The following DTD1 variants were observed in gnomAD, a reference collection of about 807,000 sequenced individuals.
DTD1 encodes the protein D-aminoacyl-tRNA deacylase 1.
Under a neutral mutation model 25.6 loss-of-function variants are expected in DTD1, and 13 were observed. The observed-to-expected ratio is 0.51, with a 90% CI of 0.33 to 0.81. DTD1 has a LOEUF of 0.81. Among genes scored for constraint, DTD1 ranks in the 30% least tolerant of loss-of-function variants. DTD1 has a pLI of 0.02. For synonymous variants in DTD1, 110 were observed against 103.6 expected, an observed-to-expected ratio of 1.06 and a Z score of -0.37; for missense variants, 193 against 266.4, an observed-to-expected ratio of 0.72 and a Z score of 1.92.
chr20:18,692,877 A>C lies in DTD1; in HGVS notation c.478-51223A>C, dbSNP rs79049815. On this transcript the variant is annotated intron_variant, in intron 4 of 5. Transcript: ENST00000377452. ...TGTACATCATTTGGACATTTTCTAG[A>C]AACAGGACATGGATTTTTTTTTTTT... 8.4e-3 allele frequency among the ~76,000 whole-genome samples: 1,267 copies of C among 150,724 alleles called. 18 individuals are homozygous for C. The highest frequency in any genetic ancestry group is 0.029 in the African/African-American group (1,213 of 41,136).
intron 4 of DTD1, among the ~76,000 whole-genome samples, chr20:18,680,626 C>T (rs2060993336): frequency 6.6e-6 from 1 of 152,054 alleles, no homozygotes; most frequent in Non-Finnish European, 1.5e-5. Flanking sequence ...ATCGCTGCCT[C>T]TGGAGTGTGG....
At chr20:18,607,538 T>A (rs1949690953) in intron 3 of DTD1, among the ~76,000 whole-genome samples, 1 of 152,166 alleles carries the variant, frequency 6.6e-6, no homozygotes. Context: ...CCCCACTGCT[T>A]CTATCTTCTG....
At chr20:18,712,782 C>T (rs1315064181) in intron 4 of DTD1, among the ~76,000 whole-genome samples, 6 of 152,218 alleles carry the variant, frequency 3.9e-5, no homozygotes, top group African/African-American at 7.2e-5. Flanking sequence ...CATGACCTTA[C>T]GTGGCTCACG....
At chr20:18,720,102 G>T (rs1462576374) in intron 4 of DTD1, among the ~76,000 whole-genome samples, 1 of 152,176 alleles carries the variant, frequency 6.6e-6, no homozygotes, top group African/African-American at 2.4e-5. Flanking sequence ...AGTTTCTTCT[G>T]GGATTTGCAT....
chr20:18,726,813 C>G (rs2061224027), intron 4 of DTD1, among the ~76,000 whole-genome samples: 4 of 152,222 alleles, frequency 2.6e-5, no homozygotes, highest in Admixed American at 2.6e-4. Flanking sequence ...TGTACTTTTG[C>G]TCACAGTCCA....
Position 18,658,189 on chromosome 20 carries a change from ATGTGTG to A in DTD1, c.477+29990_477+29995del, listed in dbSNP as rs60197503. On this transcript the variant is annotated intron_variant, in intron 4 of 5. Coordinates refer to ENST00000377452, the MANE Select transcript of DTD1 (RefSeq NM_080820.6). Reference sequence around the variant, plus strand: ...TAGGCAGAGGGCATAAGAGTCTGAGATGTGTGTGTGTGTGTGTGTGTGTGTGTGTGT... The same window carrying A: ...TAGGCAGAGGGCATAAGAGTCTGAGATGTGTGTGTGTGTGTGTGTGTGTGT... Among the ~76,000 whole-genome samples the A allele has an allele frequency of 9.4e-3, 1,373 of 146,084 alleles. 10 individuals carry two copies. Among genetic ancestry groups the A allele is most frequent in the Middle Eastern group, 0.018 (5 of 282 alleles).
intron 4 of DTD1, chr20:18,674,949 C>T (rs992010730): frequency 6.6e-6 from 1 of 152,302 alleles, no homozygotes; most frequent in Non-Finnish European, 1.5e-5. Context: ...CCAAACTCAG[C>T]AGCTCAACAC....
At chr20:18,705,068 C>G (rs1371058491) in intron 4 of DTD1, among the ~76,000 whole-genome samples, 1 of 152,178 alleles carries the variant, frequency 6.6e-6, no homozygotes, top group Non-Finnish European at 1.5e-5. Context: ...ATTTCTTATG[C>G]TTGACAGCCA....
intron 4 of DTD1, among the ~76,000 whole-genome samples, chr20:18,649,781 G>C (rs564561949): frequency 6.6e-6 from 1 of 152,158 alleles, no homozygotes; most frequent in Non-Finnish European, 1.5e-5. Context: ...CCCACCCAGC[G>C]CGGTGCTCAT....
At chr20:18,654,529 G>A (rs930190315) in intron 4 of DTD1, among the ~76,000 whole-genome samples, 1 of 152,162 alleles carries the variant, frequency 6.6e-6, no homozygotes, top group Non-Finnish European at 1.5e-5. Context: ...TTTGTTCTTC[G>A]AAGGCCAGCT....
intron 3 of DTD1, among the ~76,000 whole-genome samples, chr20:18,608,903 T>G (rs1324797763): frequency 6.6e-6 from 1 of 152,224 alleles, no homozygotes; most frequent in Non-Finnish European, 1.5e-5. Context: ...TTTTCATGTT[T>G]CTGGGGATAA....
chr20:18,608,634 T>C (rs2060672922), intron 3 of DTD1, among the ~76,000 whole-genome samples: 1 of 152,220 alleles, frequency 6.6e-6, no homozygotes, highest in Non-Finnish European at 1.5e-5. Flanking sequence ...TTGTAATAAG[T>C]CTTCAAAACT....
At chr20:18,757,010 G>C (rs1262241405) in intron 5 of DTD1, among the ~76,000 whole-genome samples, 3 of 149,716 alleles carry the variant, frequency 2.0e-5, no homozygotes, top group African/African-American at 4.9e-5. Context: ...GGATTCCTAG[G>C]TATTTTATTC....
intron 4 of DTD1, among the ~76,000 whole-genome samples, chr20:18,697,065 A>G (rs1033626290): frequency 1.3e-5 from 2 of 151,800 alleles, no homozygotes; most frequent in African/African-American, 4.8e-5. Flanking sequence ...CCCCGCCTCT[A>G]CTAAAAATAC....
rs372651343 is a variant in DTD1 at position 18,749,053 on chromosome 20, C to T, written c.*19+4782C>T. Among the ~76,000 whole-genome samples the T allele has an allele frequency of 6.6e-6, 1 of 152,288 alleles. No homozygotes were observed. ...GAGGGCAATGGAGGGAAGTTCCTGG[C>T]TGGCCTCAGCCTTCAGGTTAGGAGA... On this transcript the variant is annotated intron_variant, in intron 5 of 5. Coordinates refer to ENST00000377452, the MANE Select transcript of DTD1 (RefSeq NM_080820.6). This position sits in a 1 kb window ranked among gnomAD's most constrained non-coding sequence, Gnocchi z 4.2.
intron 3 of DTD1, among the ~76,000 whole-genome samples, chr20:18,627,357 C>T (rs1054217914): frequency 8.5e-5 from 13 of 152,268 alleles, no homozygotes; most frequent in East Asian, 1.9e-4. Context: ...CTGCCTGTGC[C>T]GCAGTAGCCC....
chr20:18,759,308 G>C (rs929479293), intron 5 of DTD1, among the ~76,000 whole-genome samples: 1 of 152,316 alleles, frequency 6.6e-6, no homozygotes, highest in East Asian at 1.9e-4. Flanking sequence ...TTGCTCGTTA[G>C]TTGATGCAGT....
At chr20:18,597,710 T>G (rs2060617339) in intron 3 of DTD1, among the ~76,000 whole-genome samples, 1 of 152,206 alleles carries the variant, frequency 6.6e-6, no homozygotes, top group South Asian at 2.1e-4. Context: ...TTCATCATAA[T>G]CATAATCACT....
chr20:18,742,394 C>T (rs1014120744), intron 4 of DTD1, among the ~76,000 whole-genome samples: 4 of 152,148 alleles, frequency 2.6e-5, no homozygotes, highest in African/African-American at 4.8e-5. Flanking sequence ...GGCCAGGGAC[C>T]GGTACTAATC....
Sources: allele counts gnomAD v4.1 joint callset (sites outside exome capture counted in the v4.1 genomes callset), GRCh38; gene constraint gnomAD v4.1.1; non-coding constraint Gnocchi (gnomAD v3.1); transcripts MANE v1.5; gene names NCBI Gene and HGNC (gene_info 2026-07-23, HGNC 2026-07-21).